CENPP: variants seen among roughly 807,000 people sequenced by gnomAD.
CENPP encodes the protein centromere protein P.
CENPP carries 24 observed loss-of-function variants against 35.6 expected under a neutral mutation model. That is an observed-to-expected ratio of 0.67 (90% confidence interval 0.49 to 0.95). CENPP has a LOEUF of 0.95. CENPP is among the 40% of genes least tolerant of loss of function. The pLI, the probability that CENPP is intolerant of heterozygous loss-of-function variation, is 0.00. For synonymous variants in CENPP, 120 were observed against 125.5 expected, an observed-to-expected ratio of 0.96 and a Z score of 0.29; for missense variants, 332 against 345.3, an observed-to-expected ratio of 0.96 and a Z score of 0.31.
intron 5 of CENPP, among the ~76,000 whole-genome samples, chr9:92,484,940 G>A (rs72754418): frequency 0.031 from 4,727 of 152,294 alleles, 112 homozygotes; most frequent in South Asian, 0.083. Context: ...AGAGGGCCTA[G>A]GGAAAGAAAT....
At chr9:92,344,396 G>C (rs10820969) in intron 3 of CENPP, among the ~76,000 whole-genome samples, 67,557 of 151,762 alleles carry the variant, frequency 0.45, 17,263 homozygotes, top group African/African-American at 0.7. Context: ...TCCTTTCTTT[G>C]CTTTTTTTTC....
rs543054505 is a variant in CENPP, at chr9:92,600,169, C to T, written c.565-11145C>T. 8 of 749,588 alleles carry T rather than the reference C, an allele frequency of 1.1e-5. No individual in the cohort carries two copies. The South Asian group carries it at 1.3e-4, about 12-fold the overall frequency. 46.4% of individuals were successfully genotyped at this position (749,588 alleles called of 1,614,324 possible). On this transcript the variant is annotated intron_variant, in intron 5 of 7. Transcript: ENST00000375587. ...CATTTAATGTAATTTTCACATGTCA[C>T]GAAATCTTTGGAGTTCTTTTCAACC...
chr9:92,395,125 C>T (rs1842843704), intron 5 of CENPP, among the ~76,000 whole-genome samples: 1 of 152,080 alleles, frequency 6.6e-6, no homozygotes, highest in South Asian at 2.1e-4. Flanking sequence ...CCCCATGAAA[C>T]GTTCACTACA....
intron 5 of CENPP, among the ~76,000 whole-genome samples, chr9:92,483,021 C>T (rs1349265423): frequency 2.0e-5 from 3 of 152,040 alleles, no homozygotes; most frequent in Non-Finnish European, 2.9e-5. Context: ...CACAGACACA[C>T]ATGCATGTCC....
intron 5 of CENPP, among the ~76,000 whole-genome samples, chr9:92,470,129 C>CA (rs1845457822): frequency 6.6e-6 from 1 of 151,984 alleles, no homozygotes; most frequent in African/African-American, 2.4e-5. Flanking sequence ...ACACCCAGCC[C>CA]AAAATGTTAA....
In CENPP at chr9:92,577,103, GGAAC is replaced by G. The variant is rs1410104930; in HGVS notation, c.565-34210_565-34207del. 1.3e-4 allele frequency among the ~76,000 whole-genome samples: 20 copies of G among 152,214 alleles called. 1 individual carries two copies. Among genetic ancestry groups the G allele is most frequent in the African/African-American group, 4.6e-4 (19 of 41,544 alleles). On this transcript the variant is annotated intron_variant, in intron 5 of 7. Coordinates refer to ENST00000375587, the MANE Select transcript of CENPP (RefSeq NM_001012267.3). Reference sequence around the variant, plus strand: ...ATAGATATTCTCATATACTGCTGATGGAACTGTAAACTGACAAAAATACTTAGAC... The same window carrying G: ...ATAGATATTCTCATATACTGCTGATGTGTAAACTGACAAAAATACTTAGAC...
chr9:92,576,397 A>G (rs1489686322), intron 5 of CENPP, among the ~76,000 whole-genome samples: 1 of 152,204 alleles, frequency 6.6e-6, no homozygotes, highest in African/African-American at 2.4e-5. Flanking sequence ...TTACAACAGG[A>G]AAACAGTTAT....
At chr9:92,600,508 G>C (rs1325061104) in intron 5 of CENPP, 1 of 1,612,892 alleles carries the variant, frequency 6.2e-7, no homozygotes, top group African/African-American at 1.3e-5. Flanking sequence ...CTGGAGATGA[G>C]GTAAGTGCTG....
chr9:92,510,135 C>T, intron 5 of CENPP: 1 of 1,364,130 alleles, frequency 7.3e-7, no homozygotes, highest in Non-Finnish European at 9.8e-7. Flanking sequence ...ACCTATCCTT[C>T]CTTAGGCTTA....
intron 5 of CENPP, among the ~76,000 whole-genome samples, chr9:92,531,527 G>A (rs899266515): frequency 4.0e-5 from 6 of 151,782 alleles, no homozygotes; most frequent in Admixed American, 6.6e-5. Flanking sequence ...AACGTTTTGC[G>A]CCAGATAATT....
intron 5 of CENPP, among the ~76,000 whole-genome samples, chr9:92,453,857 C>T (rs771983625): frequency 1.3e-5 from 2 of 151,986 alleles, no homozygotes; most frequent in Non-Finnish European, 2.9e-5. Context: ...TGGTGGCTCA[C>T]GCCTGTAATC....
At chr9:92,441,131 TG>T (rs1361001851) in intron 5 of CENPP, among the ~76,000 whole-genome samples, 1 of 152,258 alleles carries the variant, frequency 6.6e-6, no homozygotes, top group African/African-American at 2.4e-5. Context: ...CATGAATTTT[TG>T]TATTTTATTA....
intron 4 of CENPP, among the ~76,000 whole-genome samples, chr9:92,375,454 G>C (rs1360533947): frequency 6.6e-6 from 1 of 151,748 alleles, no homozygotes; most frequent in Non-Finnish European, 1.5e-5. Context: ...CACCACGCCC[G>C]GCTAATTTTT....
At chr9:92,379,231 A>G (rs1210341590) in intron 4 of CENPP, among the ~76,000 whole-genome samples, 1 of 152,224 alleles carries the variant, frequency 6.6e-6, no homozygotes, top group Non-Finnish European at 1.5e-5. Flanking sequence ...CTCCCAGTAC[A>G]TCAGTGTATT....
At chr9:92,575,423 A>G (rs1850256650) in intron 5 of CENPP, among the ~76,000 whole-genome samples, 1 of 152,172 alleles carries the variant, frequency 6.6e-6, no homozygotes, top group Admixed American at 6.5e-5. Context: ...ATATACACAA[A>G]TGGCCATTAA....
rs538021770 is a variant in CENPP at position 92,505,802 on chromosome 9, G to A, written c.565-105512G>A. ...CCGGTTTATTTGGAGGGCAAATACAGTTTTTTTTAAACCTTTGTATCCTCC... is the reference window on the plus strand; with the variant it reads ...CCGGTTTATTTGGAGGGCAAATACAATTTTTTTTAAACCTTTGTATCCTCC... On this transcript the variant is annotated intron_variant, in intron 5 of 7. Coordinates refer to ENST00000375587, the MANE Select transcript of CENPP (RefSeq NM_001012267.3). 1.9e-4 allele frequency: 161 copies of A among 854,334 alleles called. No homozygotes were observed. In the African/African-American group the frequency reaches 2.7e-3, roughly 14 times the overall value. 52.9% of individuals were successfully genotyped at this position (854,334 alleles called of 1,614,324 possible). A position where few individuals can be genotyped will look rare whatever the true frequency, so the allele number is the denominator to read the frequency against.
intron 5 of CENPP, among the ~76,000 whole-genome samples, chr9:92,533,009 ATGC>A (rs1848894482): frequency 6.6e-6 from 1 of 151,978 alleles, no homozygotes; most frequent in Admixed American, 6.6e-5. Flanking sequence ...ATTAATAATT[ATGC>A]TTTGGGCTGG....
chr9:92,361,821 A>G (rs956027850), intron 4 of CENPP, among the ~76,000 whole-genome samples: 15 of 152,252 alleles, frequency 9.9e-5, no homozygotes, highest in Middle Eastern at 3.4e-3. Context: ...TCCCTTATAT[A>G]ATTACAGTGC....
At chr9:92,597,623 T>C (rs572123989) in intron 5 of CENPP, among the ~76,000 whole-genome samples, 2 of 152,370 alleles carry the variant, frequency 1.3e-5, no homozygotes, top group South Asian at 2.1e-4. Flanking sequence ...TTCTAGTATT[T>C]ACTGTTACAT....
Sources: gnomAD v4.1 joint callset for allele counts (sites outside exome capture counted in the v4.1 genomes callset) on GRCh38, gnomAD v4.1.1 for gene constraint, MANE v1.5 for transcripts, NCBI Gene and HGNC (gene_info 2026-07-23, HGNC 2026-07-21) for gene names.